ANKRD17: variants seen among roughly 807,000 people sequenced by gnomAD.
ANKRD17 encodes ankyrin repeat domain-containing protein 17.
A neutral mutation model predicts 229.7 loss-of-function variants in ANKRD17; 19 were observed. The observed-to-expected ratio is 0.08, with a 90% confidence interval of 0.06 to 0.12. ANKRD17 has a LOEUF of 0.12. Among genes scored for constraint, ANKRD17 ranks in the 10% least tolerant of loss-of-function variants. The pLI, the probability that ANKRD17 is intolerant of heterozygous loss-of-function variation, is 1.00. For synonymous variants in ANKRD17, 1,112 were observed against 1,146.1 expected (o/e 0.97, Z 0.60); for missense variants, 2,176 against 3,176.8 (o/e 0.68, Z 7.57).
In ANKRD17 at chr4:73,161,382, C is replaced by T. The variant is rs779810025; in HGVS notation, c.548-34G>A. The T allele has an allele frequency of 4.4e-6, 7 of 1,603,976 alleles. No homozygotes were observed. The African/African-American group carries it at 8.1e-5, about 18-fold the overall frequency. On this transcript the variant is annotated intron_variant, in intron 2 of 33. Transcript: ENST00000358602. ...TTATTTTCACACCAATATGGACACACCCAAAAGGAGAAACAAAGCAAAATT... is the reference window on the plus strand; with the variant it reads ...TTATTTTCACACCAATATGGACACATCCAAAAGGAGAAACAAAGCAAAATT...
At chr4:73,198,066 A>G (rs547884314) in intron 1 of ANKRD17, among the ~76,000 whole-genome samples, 2 of 152,292 alleles carry the variant, frequency 1.3e-5, no homozygotes, top group Admixed American at 1.3e-4. Context: ...CCATACATAC[A>G]ATCTAAAAAC....
chr4:73,214,757 G>A (rs771168103), intron 1 of ANKRD17, among the ~76,000 whole-genome samples: 11 of 149,382 alleles, frequency 7.4e-5, no homozygotes, highest in Non-Finnish European at 1.5e-4. Flanking sequence ...TAATGCTAGC[G>A]CTTTAGGAGC....
At chr4:73,203,843 A>G (rs568558138) in intron 1 of ANKRD17, among the ~76,000 whole-genome samples, 30 of 152,070 alleles carry the variant, frequency 2.0e-4, no homozygotes, top group Admixed American at 1.2e-3. Flanking sequence ...TACAAATCCA[A>G]TACGTTCCAC....
intron 2 of ANKRD17, among the ~76,000 whole-genome samples, chr4:73,172,321 A>T (rs890425654): frequency 1.4e-4 from 22 of 152,206 alleles, no homozygotes; most frequent in Non-Finnish European, 3.2e-4. Context: ...ACATCTGGCA[A>T]ATATATCCCT....
At chr4:73,191,334 A>T (rs927738895) in intron 1 of ANKRD17, among the ~76,000 whole-genome samples, 14 of 84,714 alleles carry the variant, frequency 1.7e-4, no homozygotes, top group East Asian at 6.8e-4. Flanking sequence ...CCTACCAAAA[A>T]ATATATATGT....
In ANKRD17 at chr4:73,091,214, A is replaced by G. The variant is rs377212370; in HGVS notation, c.6414T>C (p.Pro2138=). 1.2e-6 allele frequency: 2 copies of G among 1,614,092 alleles called. No individual in the cohort carries two copies. The highest frequency in any genetic ancestry group is 2.7e-5 in the African/African-American group (2 of 74,908). Reference sequence around the variant, plus strand: ...CTGGAGCAGAACTTGTTGCTAAAGGAGGAACAGTCATTCTAACTTCCGGGG... The same window carrying G: ...CTGGAGCAGAACTTGTTGCTAAAGGGGGAACAGTCATTCTAACTTCCGGGG... ...VPPPEVRMTV[P]PLATSSAPVA... Residue 2138 remains proline, a synonymous_variant, in exon 29 of 34, where the codon CCT becomes CCC. Coordinates refer to ENST00000358602, the MANE Select transcript of ANKRD17 (RefSeq NM_032217.5).
intron 1 of ANKRD17, among the ~76,000 whole-genome samples, chr4:73,257,971 C>T (rs1745616074): frequency 6.7e-6 from 1 of 149,352 alleles, no homozygotes; most frequent in South Asian, 2.2e-4. Context: ...CCCCCCCACC[C>T]CCCGGCGTGC....
rs1049181269 is a variant in ANKRD17, at chr4:73,257,452, C to T, written c.393+824G>A. On this transcript the variant is annotated intron_variant, in intron 1 of 33. Transcript: ENST00000358602. ...CAACTCACCACAACCAGGCCTGGCT[C>T]CAAAGCCTACCCTTTGGCTGTCCCA... 2.0e-5 allele frequency among the ~76,000 whole-genome samples: 3 copies of T among 152,142 alleles called. No individual in the cohort carries two copies. In the East Asian group the frequency reaches 5.8e-4, roughly 29 times the overall value.
intron 1 of ANKRD17, among the ~76,000 whole-genome samples, chr4:73,242,270 G>T (rs1744108829): frequency 6.6e-6 from 1 of 152,084 alleles, no homozygotes; most frequent in Admixed American, 6.5e-5. Flanking sequence ...ATTCAGTTTA[G>T]TGGCCATATA....
chr4:73,177,762 C>T (rs1307360841), intron 1 of ANKRD17, among the ~76,000 whole-genome samples: 1 of 152,096 alleles, frequency 6.6e-6, no homozygotes, highest in African/African-American at 2.4e-5. Context: ...CATATGCAGC[C>T]TAATTTTCTT....
At chr4:73,085,137 TA>T in intron 30 of ANKRD17, 111 bp downstream of exon 30, 1 of 1,193,758 alleles carries the variant, frequency 8.4e-7, no homozygotes. Context: ...TCCAGACTTC[TA>T]AGAGTACAAA....
chr4:73,158,239 C>A (rs565842860), intron 3 of ANKRD17, among the ~76,000 whole-genome samples: 173 of 144,804 alleles, frequency 1.2e-3, no homozygotes, highest in Admixed American at 3.0e-3. Flanking sequence ...CTACTCAGAA[C>A]CCTCCACTGG....
intron 1 of ANKRD17, among the ~76,000 whole-genome samples, chr4:73,247,041 T>C (rs1051091831): frequency 5.9e-5 from 9 of 152,082 alleles, no homozygotes; most frequent in South Asian, 4.1e-4. Flanking sequence ...CTGTAACACA[T>C]AACACTATGA....
Position 73,073,564 on chromosome 4 carries a change from C to A in ANKRD17, c.*2667G>T, listed in dbSNP as rs570186795. 4.6e-5 allele frequency: 7 copies of A among 152,034 alleles called. No individual in the cohort carries two copies. In the East Asian group the frequency reaches 1.4e-3, roughly 29 times the overall value. 9.4% of individuals were successfully genotyped at this position (152,034 alleles called of 1,614,324 possible). On this transcript the variant is annotated 3_prime_UTR_variant, in exon 34 of 34. Coordinates refer to ENST00000358602, the MANE Select transcript of ANKRD17 (RefSeq NM_032217.5). The stretch of plus-strand genomic sequence containing the variant: ...ACTATTATTTTTGTGAAGAACAAGA[C>A]AGGATTAGTTAATAAGCTATTTACC...
chr4:73,140,877 T>C (rs1019669230), intron 14 of ANKRD17, among the ~76,000 whole-genome samples: 2 of 152,212 alleles, frequency 1.3e-5, no homozygotes, highest in Non-Finnish European at 2.9e-5. Flanking sequence ...CACAGCTATC[T>C]GGCCAGTAGA....
intron 16 of ANKRD17, among the ~76,000 whole-genome samples, chr4:73,129,885 C>T (rs1727967291): frequency 6.6e-6 from 1 of 151,572 alleles, no homozygotes; most frequent in African/African-American, 2.4e-5. Context: ...GCCTCAGCCT[C>T]CCGAGTAGCT....
chr4:73,228,051 A>C (rs957022454), intron 1 of ANKRD17, among the ~76,000 whole-genome samples: 2 of 151,998 alleles, frequency 1.3e-5, no homozygotes, highest in Non-Finnish European at 2.9e-5. Flanking sequence ...AAACTACTAG[A>C]AAAAAAACTA....
chr4:73,078,616 C>A (rs755812581), intron 31 of ANKRD17, 26 bp downstream of exon 31: 1 of 1,599,934 alleles, frequency 6.3e-7, no homozygotes, highest in Non-Finnish European at 8.5e-7. Flanking sequence ...AAGTTAATTT[C>A]TAGAGAGCAG....
chr4:73,083,132 TGTG>T (rs1445259486), intron 30 of ANKRD17, among the ~76,000 whole-genome samples: 1 of 152,190 alleles, frequency 6.6e-6, no homozygotes, highest in African/African-American at 2.4e-5. Context: ...AAGGGATCCT[TGTG>T]GTATTCTTGA....
Sources: gnomAD v4.1 joint callset for allele counts (sites outside exome capture counted in the v4.1 genomes callset) on GRCh38, gnomAD v4.1.1 for gene constraint, MANE v1.5 for transcripts, NCBI Gene and HGNC (gene_info 2026-07-23, HGNC 2026-07-21) for gene names.